Variants in ELP1 observed in about 807,000 individuals in gnomAD.
ELP1 encodes the protein elongator complex protein 1.
ELP1 carries 131 observed loss-of-function variants against 183.2 expected under a neutral mutation model. The observed-to-expected ratio is 0.72, with a 90% CI of 0.62 to 0.83. The LOEUF is 0.83. Ranked by LOEUF, ELP1 falls within the 40% of genes least tolerant of loss-of-function variation. The pLI is 0.00. For missense variants in ELP1, 1,550 were observed against 1,594.9 expected, an observed-to-expected ratio of 0.97 and a Z score of 0.48; for synonymous variants, 555 against 569.0, an observed-to-expected ratio of 0.98 and a Z score of 0.35.
Position 108,916,192 on chromosome 9 carries a change from C to T in ELP1, c.958+12G>A, listed in dbSNP as rs1829423557. 6.2e-7 allele frequency: 1 copy of T among 1,604,664 alleles called. No individual in the cohort carries two copies. The highest frequency in any genetic ancestry group is 8.5e-7 in the Non-Finnish European group (1 of 1,171,324). Reference sequence around the variant, plus strand: ...TATGGGGCAGAAGGCTGGGGTACTACAGCTGTCTTACCACAGGTTTTCGGA... The same window carrying T: ...TATGGGGCAGAAGGCTGGGGTACTATAGCTGTCTTACCACAGGTTTTCGGA... On this transcript the variant is annotated intron_variant, in intron 10 of 36. Transcript: ENST00000374647.
intron 18 of ELP1, among the ~76,000 whole-genome samples, chr9:108,901,031 T>A (rs961938222): frequency 6.6e-6 from 1 of 151,700 alleles, no homozygotes; most frequent in Non-Finnish European, 1.5e-5. Context: ...GCAGCCAATA[T>A]CCTACAAACC....
chr9:108,931,309 G>GA, intron 1 of ELP1, 108 bp from the exon 2 acceptor site: 1 of 746,552 alleles, frequency 1.3e-6, no homozygotes, highest in South Asian at 1.7e-5. Context: ...ACCAAGAAAA[G>GA]AAAAAACTTA....
intron 29 of ELP1, among the ~76,000 whole-genome samples, chr9:108,885,093 A>G (rs1277139678): frequency 6.6e-6 from 1 of 152,020 alleles, no homozygotes; most frequent in Admixed American, 6.6e-5. Context: ...AAAAAACAAC[A>G]ACAACAAAAG....
chr9:108,928,221 A>G (rs1047018221), intron 3 of ELP1, among the ~76,000 whole-genome samples: 3 of 152,204 alleles, frequency 2.0e-5, no homozygotes, highest in Non-Finnish European at 4.4e-5. Flanking sequence ...CTTACTCAAC[A>G]AACATTTCTT....
Position 108,912,407 on chromosome 9 carries a change from A to G in ELP1, c.1046T>C (p.Leu349Pro), listed in dbSNP as rs1222508100. The change falls in exon 11 of 37, where the codon CTG becomes CCG. Residue 349 changes from leucine (L) to proline (P), a missense_variant. By Grantham distance (98) the Leu-to-Pro change is moderately conservative. Coordinates refer to ENST00000374647, the MANE Select transcript of ELP1 (RefSeq NM_003640.5). ...GTATGGGGTCACAGGGTCCCACATC[A>G]GAGACACAATCTTGCTCTTCCCACA... Reference protein sequence around the residue: ...STCGKSKIVSLMWDPVTPYRL... With the variant: ...STCGKSKIVSPMWDPVTPYRL... 7.4e-6 allele frequency: 12 copies of G among 1,614,016 alleles called. No individual in the cohort carries two copies. The highest frequency in any genetic ancestry group is 1.1e-5 in the South Asian group (1 of 91,086).
At position 108,914,151 on chromosome 9, in the gene ELP1, C is replaced by T. The variant is rs550514482; in HGVS notation, c.959-1657G>A. 8.5e-5 allele frequency among the ~76,000 whole-genome samples: 13 copies of T among 152,048 alleles called. No homozygotes were observed. The East Asian group carries it at 2.5e-3, about 30-fold the overall frequency. On this transcript the variant is annotated intron_variant, in intron 10 of 36. Coordinates refer to ENST00000374647, the MANE Select transcript of ELP1 (RefSeq NM_003640.5). ...GCACGGTGGCTCACGCCTGTAATCC[C>T]AGCACTTTGGGAGGCCGAGACGGGC...
Position 108,873,205 on chromosome 9 carries a change from T to C in ELP1, c.3931+1690A>G, listed in dbSNP as rs558753245. On this transcript the variant is annotated intron_variant, in intron 36 of 36. Coordinates refer to ENST00000374647, the MANE Select transcript of ELP1 (RefSeq NM_003640.5). Reference sequence around the variant, plus strand: ...TCCAATATCATTTTAATCTATTTTATGTAATACTAAATTTTTGCAAGACTT... The same window carrying C: ...TCCAATATCATTTTAATCTATTTTACGTAATACTAAATTTTTGCAAGACTT... Among the ~76,000 whole-genome samples, 65 of 152,354 alleles carry C rather than the reference T, an allele frequency of 4.3e-4. 1 individual carries two copies. The South Asian group carries it at 8.9e-3, about 21-fold the overall frequency.
intron 14 of ELP1, among the ~76,000 whole-genome samples, chr9:108,904,446 A>C (rs1017716881): frequency 1.3e-5 from 2 of 152,180 alleles, no homozygotes; most frequent in African/African-American, 4.8e-5. Context: ...AAAAGAAAAA[A>C]GAGACAAAGA....
At chr9:108,882,582 T>A (rs909771396) in intron 29 of ELP1, among the ~76,000 whole-genome samples, 1 of 145,900 alleles carries the variant, frequency 6.9e-6, no homozygotes, top group Non-Finnish European at 1.5e-5. Flanking sequence ...ATCTTCTAAA[T>A]TTTTTTTTGT....
At chr9:108,874,405 G>C (rs543535200) in intron 36 of ELP1, among the ~76,000 whole-genome samples, 3 of 152,086 alleles carry the variant, frequency 2.0e-5, no homozygotes, top group African/African-American at 4.8e-5. Context: ...TAACTAAACA[G>C]GAAATATGTA....
At chr9:108,877,015 GCCA>G (rs1276744477) in intron 35 of ELP1, among the ~76,000 whole-genome samples, 1 of 152,182 alleles carries the variant, frequency 6.6e-6, no homozygotes, top group African/African-American at 2.4e-5. Context: ...ACAGGCGTGA[GCCA>G]CCACCACACC....
chr9:108,882,833 T>C (rs904752068), intron 29 of ELP1, among the ~76,000 whole-genome samples: 6 of 152,134 alleles, frequency 3.9e-5, no homozygotes, highest in Non-Finnish European at 8.8e-5. Context: ...CCTCAAGCAA[T>C]CCTCCTGTCT....
intron 29 of ELP1, among the ~76,000 whole-genome samples, chr9:108,885,451 T>C (rs1333837710): frequency 6.6e-6 from 1 of 152,148 alleles, no homozygotes; most frequent in Non-Finnish European, 1.5e-5. Context: ...CTACCAATGC[T>C]CATTCCAGAA....
At chr9:108,919,683 T>C (rs555803900) in intron 6 of ELP1, among the ~76,000 whole-genome samples, 6 of 152,126 alleles carry the variant, frequency 3.9e-5, no homozygotes, top group Admixed American at 1.3e-4. Context: ...AGGAAACAAG[T>C]GTTCCATTTG....
chr9:108,900,346 C>T lies in ELP1; in HGVS notation c.2044G>A (p.Val682Met), dbSNP rs1245240190. The change falls in exon 19 of 37, where the codon GTG becomes ATG. Residue 682 changes from valine to methionine, a missense_variant. By Grantham distance (21) the Val-to-Met change is conservative. Transcript: ENST00000374647. Reference sequence around the variant, plus strand: ...TTCCGCAGAACTTCCCCATGGGACACATGATTGCTGCTCAGGCCGGCCTGT... The same window carrying T: ...TTCCGCAGAACTTCCCCATGGGACATATGATTGCTGCTCAGGCCGGCCTGT... The part of the protein sequence containing the change: ...TLQAGLSSNH[V>M]SHGEVLRKVE... The T allele has an allele frequency of 1.9e-6, 3 of 1,614,052 alleles. No individual in the cohort carries two copies. The highest frequency in any genetic ancestry group is 1.7e-5 in the Admixed American group (1 of 60,008).
In ELP1 at chr9:108,916,306, G is replaced by A. The variant is rs748084965; in HGVS notation, c.865-9C>T. 5.3e-5 allele frequency: 85 copies of A among 1,605,120 alleles called. No homozygotes were observed. Among genetic ancestry groups the A allele is most frequent in the Non-Finnish European group, 7.0e-5 (82 of 1,172,032 alleles). On this transcript the variant is annotated splice_polypyrimidine_tract_variant and intron_variant, in intron 9 of 36. Coordinates refer to ENST00000374647, the MANE Select transcript of ELP1 (RefSeq NM_003640.5). Reference sequence around the variant, plus strand: ...CAGAGCAAGTCATTTACCTAGAAGGGAAAAAAGATCTGTCATTGGCTTTCA... The same window carrying A: ...CAGAGCAAGTCATTTACCTAGAAGGAAAAAAAGATCTGTCATTGGCTTTCA...
Position 108,916,314 on chromosome 9 carries a change from A to G in ELP1, c.865-17T>C, listed in dbSNP as rs1829431821. On this transcript the variant is annotated splice_polypyrimidine_tract_variant and intron_variant, in intron 9 of 36. Coordinates refer to ENST00000374647, the MANE Select transcript of ELP1 (RefSeq NM_003640.5). ...GTCATTTACCTAGAAGGGAAAAAAG[A>G]TCTGTCATTGGCTTTCAGTTATGGA... The G allele has an allele frequency of 1.3e-6, 2 of 1,586,310 alleles. No homozygotes were observed. The highest frequency in any genetic ancestry group is 1.7e-6 in the Non-Finnish European group (2 of 1,154,624).
At chr9:108,924,868 G>A (rs1829777140) in intron 5 of ELP1, among the ~76,000 whole-genome samples, 1 of 152,124 alleles carries the variant, frequency 6.6e-6, no homozygotes. Context: ...GTTCTGGCTG[G>A]AGTCCTGCTC....
Position 108,880,053 on chromosome 9 carries a change from C to G in ELP1, c.3459G>C (p.Leu1153=). ...ELKEQAQQAG[L]DDEVPHGQES... Reference sequence around the variant, plus strand: ...GATGGCCTTCACGCAGATACTCACCCAGACCTGCCTGCTGGGCTTGCTCCT... The same window carrying G: ...GATGGCCTTCACGCAGATACTCACCGAGACCTGCCTGCTGGGCTTGCTCCT... Residue 1153 remains leucine, a splice_region_variant and synonymous_variant, in exon 32 of 37, where the codon CTG becomes CTC. Transcript: ENST00000374647. 6 of 1,607,556 alleles carry G rather than the reference C, an allele frequency of 3.7e-6. No individual in the cohort carries two copies. Among genetic ancestry groups the G allele is most frequent in the Non-Finnish European group, 5.1e-6 (6 of 1,173,940 alleles).
Sources: gnomAD v4.1 joint callset for allele counts (sites outside exome capture counted in the v4.1 genomes callset) on GRCh38, gnomAD v4.1.1 for gene constraint, MANE v1.5 for transcripts, NCBI Gene and HGNC (gene_info 2026-07-23, HGNC 2026-07-21) for gene names.